The following PHLPP2 variants were observed in gnomAD, a reference collection of about 807,000 sequenced individuals.
PHLPP2 encodes PH domain and leucine rich repeat protein phosphatase 2, also known as PH domain leucine-rich repeat-containing protein phosphatase 2.
Under a neutral mutation model 124.9 loss-of-function variants are expected in PHLPP2, and 66 were observed. That is an observed-to-expected ratio of 0.53 (90% confidence interval 0.43 to 0.65). The LOEUF (loss-of-function observed/expected upper bound fraction) is 0.65, where lower values mean the gene tolerates loss of function less well. Among genes scored for constraint, PHLPP2 ranks in the 30% least tolerant of loss-of-function variants. The pLI is 0.00. For missense variants in PHLPP2, 1,685 were observed against 1,600.4 expected (o/e 1.05, Z -0.90); for synonymous variants, 681 against 624.7 (o/e 1.09, Z -1.34).
intron 1 of PHLPP2, among the ~76,000 whole-genome samples, chr16:71,721,305 C>CA (rs1340232453): frequency 4.0e-5 from 6 of 149,624 alleles, no homozygotes; most frequent in Non-Finnish European, 7.4e-5. Flanking sequence ...GGCTCTGCCT[C>CA]AAAAAAATAA....
intron 4 of PHLPP2, among the ~76,000 whole-genome samples, chr16:71,689,969 A>G (rs1483739469): frequency 1.3e-5 from 2 of 152,204 alleles, no homozygotes; most frequent in Non-Finnish European, 2.9e-5. Context: ...TTCAAAACAG[A>G]GTAAAATCAT....
intron 3 of PHLPP2, among the ~76,000 whole-genome samples, chr16:71,690,916 A>G (rs2045105247): frequency 6.6e-6 from 1 of 152,166 alleles, no homozygotes; most frequent in South Asian, 2.1e-4. Flanking sequence ...ATGAAGCAAA[A>G]TTGTACTTTG....
intron 4 of PHLPP2, among the ~76,000 whole-genome samples, chr16:71,687,117 T>C (rs4788826): frequency 0.34 from 51,875 of 152,108 alleles, 9,693 homozygotes; most frequent in East Asian, 0.76. Context: ...TCAGCCATTC[T>C]AGTGGTGTGC....
At chr16:71,656,021 A>G (rs2044739449) in intron 16 of PHLPP2, among the ~76,000 whole-genome samples, 1 of 152,186 alleles carries the variant, frequency 6.6e-6, no homozygotes, top group African/African-American at 2.4e-5. Flanking sequence ...ACTAAGGATT[A>G]GCTTTGTCAA....
chr16:71,701,812 T>C lies in PHLPP2; in HGVS notation c.418+786A>G, dbSNP rs561445862. Among the ~76,000 whole-genome samples the C allele has an allele frequency of 2.6e-5, 4 of 152,366 alleles. No individual in the cohort carries two copies. The South Asian group carries it at 8.3e-4, about 32-fold the overall frequency. ...AGAGAGAACATTCACTAACTTTTAT[T>C]ACAGCATATTGCTATAATTATACTA... is the stretch of plus-strand genomic sequence containing the variant. On this transcript the variant is annotated intron_variant, in intron 3 of 18. Transcript: ENST00000568954.
intron 3 of PHLPP2, among the ~76,000 whole-genome samples, chr16:71,696,774 T>C (rs2045175669): frequency 6.6e-6 from 1 of 152,228 alleles, no homozygotes; most frequent in Non-Finnish European, 1.5e-5. Context: ...GTATATATCC[T>C]GTATTAACTA....
Position 71,648,466 on chromosome 16 carries a change from T to C in PHLPP2, c.*424A>G, listed in dbSNP as rs760625459. The C allele has an allele frequency of 1.2e-4, 22 of 176,706 alleles. No homozygotes were observed. The highest frequency in any genetic ancestry group is 2.2e-4 in the Admixed American group (4 of 18,574). 10.9% of individuals were successfully genotyped at this position (176,706 alleles called of 1,614,324 possible). A position where few individuals can be genotyped will look rare whatever the true frequency, so the allele number is the denominator to read the frequency against. On this transcript the variant is annotated 3_prime_UTR_variant, in exon 19 of 19. Coordinates refer to ENST00000568954, the MANE Select transcript of PHLPP2 (RefSeq NM_015020.3). ...CTCCGAGTTCAACCCCACACAGCTA[T>C]GGTTTAGAAATGTAGACGCAGGGCT...
intron 1 of PHLPP2, chr16:71,715,135 T>G: frequency 3.6e-6 from 1 of 276,196 alleles, no homozygotes; most frequent in Admixed American, 4.9e-5. Context: ...GAGGACTGCT[T>G]GAGGCCAGGA....
At chr16:71,660,750 T>C in intron 13 of PHLPP2, among the ~76,000 whole-genome samples, 1 of 152,114 alleles carries the variant, frequency 6.6e-6, no homozygotes. Context: ...TTTAAAAGTG[T>C]TCCCATGTCC....
At chr16:71,677,157 C>A in intron 8 of PHLPP2, 1 of 157,616 alleles carries the variant, frequency 6.3e-6, no homozygotes, top group Non-Finnish European at 1.4e-5. Context: ...GTTAGACAAT[C>A]CAAATTGGCA....
At chr16:71,675,061 A>G (rs1197319277) in intron 9 of PHLPP2, among the ~76,000 whole-genome samples, 2 of 152,186 alleles carry the variant, frequency 1.3e-5, no homozygotes, top group Non-Finnish European at 2.9e-5. Context: ...CCTTGTGCAC[A>G]TGTGGGTGTC....
intron 10 of PHLPP2, among the ~76,000 whole-genome samples, chr16:71,671,366 T>A (rs1369592801): frequency 1.3e-5 from 2 of 151,934 alleles, no homozygotes; most frequent in African/African-American, 2.4e-5. Context: ...CCTGACCAAA[T>A]AGGACCCTGC....
chr16:71,698,805 G>A (rs1300873839), intron 3 of PHLPP2: 2 of 230,224 alleles, frequency 8.7e-6, no homozygotes, highest in African/African-American at 4.6e-5. Context: ...AATTCGAACT[G>A]AGAGAGCCAT....
intron 3 of PHLPP2, 126 bp from the exon 4 acceptor site, chr16:71,690,835 T>C (rs1398129219): frequency 7.7e-6 from 5 of 653,376 alleles, no homozygotes; most frequent in South Asian, 4.0e-5. Flanking sequence ...CCAAGCAATA[T>C]AGTTAAGACA....
rs142338377 is a variant in PHLPP2 at position 71,710,498 on chromosome 16, C to A, written c.284+4014G>T. The stretch of plus-strand genomic sequence containing the variant: ...AATCAGCAATGTGACAATACATGGG[C>A]AATGGTTTAGTCAATGCAACACCAA... On this transcript the variant is annotated intron_variant, in intron 2 of 18. Transcript: ENST00000568954. Among the ~76,000 whole-genome samples, 131 of 152,308 alleles carry A rather than the reference C, an allele frequency of 8.6e-4. 1 individual carries two copies. Among genetic ancestry groups the A allele is most frequent in the African/African-American group, 2.8e-3 (118 of 41,568 alleles).
chr16:71,656,712 T>C (rs1309314902), intron 15 of PHLPP2, 31 bp from the exon 16 acceptor site: 1 of 1,250,574 alleles, frequency 8.0e-7, no homozygotes, highest in Non-Finnish European at 1.2e-6. Context: ...TTAAACCATA[T>C]ATTCTTCTGT....
At position 71,714,939 on chromosome 16, in the gene PHLPP2, A is replaced by C; in HGVS notation, c.-6-138T>G. ...ATCCCCTCCTTTTGTGGAGCACTTC[A>C]CATCTATCATGCTCATTCGTAATAA... On this transcript the variant is annotated intron_variant, in intron 1 of 18. Transcript: ENST00000568954. 3 of 1,036,794 alleles carry C rather than the reference A, an allele frequency of 2.9e-6. No individual in the cohort carries two copies. In the South Asian group the frequency reaches 5.1e-5, roughly 18 times the overall value. The allele number at this position is 1,036,794 out of a possible 1,614,324, so 64.2% of individuals were successfully genotyped here. A position where few individuals can be genotyped will look rare whatever the true frequency, so the allele number is the denominator to read the frequency against.
intron 10 of PHLPP2, among the ~76,000 whole-genome samples, chr16:71,671,315 T>C (rs542046279): frequency 2.0e-5 from 3 of 152,232 alleles, no homozygotes; most frequent in African/African-American, 4.8e-5. Flanking sequence ...TACTATCTTA[T>C]GCATTTTGCA....
intron 1 of PHLPP2, among the ~76,000 whole-genome samples, chr16:71,718,181 C>T (rs1378992529): frequency 6.6e-6 from 1 of 152,114 alleles, no homozygotes; most frequent in Non-Finnish European, 1.5e-5. Flanking sequence ...GCATGAGCCA[C>T]CACACCAGGC....
Sources: gnomAD v4.1 joint callset for allele counts (sites outside exome capture counted in the v4.1 genomes callset) on GRCh38, gnomAD v4.1.1 for gene constraint, MANE v1.5 for transcripts, NCBI Gene and HGNC (gene_info 2026-07-23, HGNC 2026-07-21) for gene names.